Variants in EPHA6 observed in about 807,000 individuals in gnomAD.
EPHA6 encodes the protein EPH receptor A6, also known as ephrin type-A receptor 6.
EPHA6 carries 50 observed loss-of-function variants against 112.0 expected under a neutral mutation model. The ratio of observed to expected loss-of-function variants is 0.45; its 90% CI spans 0.36 to 0.56. EPHA6 has a LOEUF of 0.56. Ranked by LOEUF, EPHA6 falls within the 20% of genes least tolerant of loss-of-function variation. The pLI, the probability that EPHA6 is intolerant of heterozygous loss-of-function variation, is 0.00. For synonymous variants in EPHA6, 529 were observed against 490.7 expected, an observed-to-expected ratio of 1.08 and a Z score of -1.03; for missense variants, 1,280 against 1,417.4, an observed-to-expected ratio of 0.90 and a Z score of 1.56.
At chr3:96,862,641 T>A (rs1398167553) in intron 1 of EPHA6, among the ~76,000 whole-genome samples, 1 of 151,916 alleles carries the variant, frequency 6.6e-6, no homozygotes, top group East Asian at 1.9e-4. Flanking sequence ...TTTCTTACTG[T>A]GCTATCTGAA....
intron 7 of EPHA6, among the ~76,000 whole-genome samples, chr3:97,458,536 G>A (rs1027865173): frequency 1.3e-5 from 2 of 152,014 alleles, no homozygotes; most frequent in Admixed American, 1.3e-4. Context: ...ACACGTAAGT[G>A]TGTGTATATA....
intron 1 of EPHA6, among the ~76,000 whole-genome samples, chr3:96,855,087 C>G (rs1316527795): frequency 6.6e-6 from 1 of 152,118 alleles, no homozygotes; most frequent in Non-Finnish European, 1.5e-5. Context: ...GGCTGCCTTC[C>G]TCTCTCTTCA....
chr3:96,913,904 A>C (rs1398522453), intron 2 of EPHA6, among the ~76,000 whole-genome samples: 1 of 152,210 alleles, frequency 6.6e-6, no homozygotes, highest in Non-Finnish European at 1.5e-5. Flanking sequence ...GCCAAGAATT[A>C]TAACTGAACC....
At chr3:97,224,980 G>T (rs1299108846) in intron 3 of EPHA6, among the ~76,000 whole-genome samples, 2 of 151,942 alleles carry the variant, frequency 1.3e-5, no homozygotes, top group Non-Finnish European at 2.9e-5. Context: ...TTTTGAGACG[G>T]AGTCTCGCTC....
At chr3:97,686,365 T>A (rs888825763) in intron 14 of EPHA6, among the ~76,000 whole-genome samples, 2 of 152,136 alleles carry the variant, frequency 1.3e-5, no homozygotes, top group East Asian at 3.9e-4. Flanking sequence ...TTCACAAAAA[T>A]TTATTGCATT....
intron 9 of EPHA6, chr3:97,481,450 A>T: frequency 7.4e-7 from 1 of 1,346,158 alleles, no homozygotes; most frequent in Non-Finnish European, 1.1e-6. Flanking sequence ...TTTCCTTTGC[A>T]GTTAAAAATA....
intron 14 of EPHA6, among the ~76,000 whole-genome samples, chr3:97,658,632 T>G (rs1194958261): frequency 6.6e-6 from 1 of 151,872 alleles, no homozygotes; most frequent in East Asian, 1.9e-4. Flanking sequence ...TTACGGGAAA[T>G]AGAAGAAACC....
At chr3:97,685,223 A>G (rs777616945) in intron 14 of EPHA6, among the ~76,000 whole-genome samples, 45 of 152,206 alleles carry the variant, frequency 3.0e-4, no homozygotes, top group Admixed American at 1.2e-3. Context: ...ATATTATAAA[A>G]CTGTTGTCAA....
intron 11 of EPHA6, among the ~76,000 whole-genome samples, chr3:97,536,256 G>A (rs1010079208): frequency 6.6e-6 from 1 of 152,026 alleles, no homozygotes; most frequent in Non-Finnish European, 1.5e-5. Flanking sequence ...CTACAAAAAA[G>A]CAAGAACTAT....
chr3:97,464,762 C>T (rs1401195722), intron 7 of EPHA6, among the ~76,000 whole-genome samples: 1 of 152,098 alleles, frequency 6.6e-6, no homozygotes, highest in Non-Finnish European at 1.5e-5. Context: ...AACTGCGTAG[C>T]TCTGCACTGT....
intron 5 of EPHA6, among the ~76,000 whole-genome samples, chr3:97,361,972 T>A (rs984973844): frequency 3.3e-5 from 5 of 152,182 alleles, no homozygotes; most frequent in African/African-American, 1.2e-4. Flanking sequence ...TAAAAACCTG[T>A]TTTTATTCAT....
At chr3:97,252,656 A>T (rs979762831) in intron 5 of EPHA6, among the ~76,000 whole-genome samples, 2 of 152,078 alleles carry the variant, frequency 1.3e-5, no homozygotes, top group Non-Finnish European at 2.9e-5. Flanking sequence ...AGAGTGGGGG[A>T]GTGTGCCAGG....
chr3:97,734,471 A>G (rs2035171970), intron 15 of EPHA6, among the ~76,000 whole-genome samples: 1 of 152,090 alleles, frequency 6.6e-6, no homozygotes, highest in Non-Finnish European at 1.5e-5. Flanking sequence ...GTAATAAAAT[A>G]TAAAGTGAAT....
intron 3 of EPHA6, among the ~76,000 whole-genome samples, chr3:97,047,818 T>A (rs1382222936): frequency 6.6e-6 from 1 of 152,054 alleles, no homozygotes; most frequent in African/African-American, 2.4e-5. Flanking sequence ...TATCAAGACA[T>A]GGGTTATTTT....
At position 97,384,366 on chromosome 3, in the gene EPHA6, A is replaced by G. The variant is rs191449948; in HGVS notation, c.1607-20784A>G. The stretch of plus-strand genomic sequence containing the variant: ...GAAGCAATGCTGGGATTCAGTTCCA[A>G]GTAGCCTGGCTTCAAATCCCCTATG... On this transcript the variant is annotated intron_variant, in intron 5 of 17. Coordinates refer to ENST00000389672, the MANE Select transcript of EPHA6 (RefSeq NM_001080448.3). Among the ~76,000 whole-genome samples, 416 of 152,328 alleles carry G rather than the reference A, an allele frequency of 2.7e-3. 2 individuals carry two copies. The highest frequency in any genetic ancestry group is 9.6e-3 in the African/African-American group (399 of 41,584).
chr3:96,931,566 G>A (rs1479778212), intron 2 of EPHA6, among the ~76,000 whole-genome samples: 1 of 152,168 alleles, frequency 6.6e-6, no homozygotes, highest in Non-Finnish European at 1.5e-5. Flanking sequence ...TGGCCATGGT[G>A]TAGCAAAGCA....
chr3:97,300,365 C>T (rs1274026753), intron 5 of EPHA6, among the ~76,000 whole-genome samples: 2 of 152,064 alleles, frequency 1.3e-5, no homozygotes, highest in Admixed American at 1.3e-4. Context: ...TGTTGGTATC[C>T]AGGGTAAAGG....
At chr3:97,427,232 C>T (rs990461901) in intron 6 of EPHA6, among the ~76,000 whole-genome samples, 1 of 152,186 alleles carries the variant, frequency 6.6e-6, no homozygotes, top group Non-Finnish European at 1.5e-5. Context: ...TATAAAGACA[C>T]ATGCTTGCTT....
At chr3:97,372,203 G>A (rs911595328) in intron 5 of EPHA6, among the ~76,000 whole-genome samples, 2 of 152,038 alleles carry the variant, frequency 1.3e-5, no homozygotes, top group African/African-American at 2.4e-5. Context: ...CTGCCAACAT[G>A]TGATGTCTCC....
Sources: gnomAD v4.1 joint callset for allele counts (sites outside exome capture counted in the v4.1 genomes callset) on GRCh38, gnomAD v4.1.1 for gene constraint, MANE v1.5 for transcripts, NCBI Gene and HGNC (gene_info 2026-07-23, HGNC 2026-07-21) for gene names.